Variants in CADM2 observed in about 807,000 individuals in gnomAD.
The protein encoded by CADM2 is immunoglobulin superfamily member 4D.
Under a neutral mutation model 49.8 loss-of-function variants are expected in CADM2, and 12 were observed. That is an observed-to-expected ratio of 0.24 (90% CI 0.15 to 0.39). The LOEUF (loss-of-function observed/expected upper bound fraction) is 0.39, where lower values mean the gene tolerates loss of function less well. Among genes scored for constraint, CADM2 ranks in the 10% least tolerant of loss-of-function variants. The pLI is 1.00. For missense variants in CADM2, 378 were observed against 492.3 expected (o/e 0.77, Z 2.20); for synonymous variants, 214 against 175.4 (o/e 1.22, Z -1.74).
intron 1 of CADM2, among the ~76,000 whole-genome samples, chr3:85,576,152 A>G (rs946515376): frequency 1.3e-5 from 2 of 152,292 alleles, no homozygotes; most frequent in African/African-American, 4.8e-5. Context: ...TAATTTATTT[A>G]TTATAAAAAT....
intron 1 of CADM2, among the ~76,000 whole-genome samples, chr3:85,259,073 G>A (rs1294368887): frequency 6.6e-6 from 1 of 152,092 alleles, no homozygotes; most frequent in Non-Finnish European, 1.5e-5. Flanking sequence ...AGTGCTTGTG[G>A]CAGAGATCAG....
At chr3:85,586,098 T>A (rs2107318642) in intron 1 of CADM2, among the ~76,000 whole-genome samples, 1 of 152,200 alleles carries the variant, frequency 6.6e-6, no homozygotes, top group East Asian at 1.9e-4. Flanking sequence ...TGGTTGATGT[T>A]CATGCTGTTC....
chr3:85,612,555 A>G (rs1168918017), intron 1 of CADM2, among the ~76,000 whole-genome samples: 1 of 151,862 alleles, frequency 6.6e-6, no homozygotes, highest in Non-Finnish European at 1.5e-5. Flanking sequence ...AGTTACTTAA[A>G]TATAGAACTG....
chr3:85,694,005 C>T (rs943333909), intron 1 of CADM2, among the ~76,000 whole-genome samples: 1 of 151,274 alleles, frequency 6.6e-6, no homozygotes, highest in Admixed American at 6.6e-5. Context: ...ATGGAATGAC[C>T]GACTTTTGGT....
At position 85,892,700 on chromosome 3, in the gene CADM2, T is replaced by C. The variant is rs563579799; in HGVS notation, c.529+6373T>C. On this transcript the variant is annotated intron_variant, in intron 5 of 9. Transcript: ENST00000383699. Reference sequence around the variant, plus strand: ...TCTTTTTCTTTATAAATTACTCATCTCAGGTATGTCTTTATTAGCAGCATG... The same window carrying C: ...TCTTTTTCTTTATAAATTACTCATCCCAGGTATGTCTTTATTAGCAGCATG... Among the ~76,000 whole-genome samples, 7 of 152,298 alleles carry C rather than the reference T, an allele frequency of 4.6e-5. No homozygotes were observed. The South Asian group carries it at 1.5e-3, about 32-fold the overall frequency.
chr3:85,473,252 A>G (rs1189372170), intron 1 of CADM2, among the ~76,000 whole-genome samples: 1 of 152,076 alleles, frequency 6.6e-6, no homozygotes, highest in Admixed American at 6.6e-5. Flanking sequence ...GAGATAACGA[A>G]GGAGGTAACA....
intron 1 of CADM2, among the ~76,000 whole-genome samples, chr3:85,151,849 T>C (rs1179007672): frequency 2.0e-5 from 3 of 152,206 alleles, no homozygotes; most frequent in South Asian, 2.1e-4. Flanking sequence ...TAAAGGTAGA[T>C]TGACTTGAAC....
At chr3:84,974,818 T>A (rs1419825500) in intron 1 of CADM2, among the ~76,000 whole-genome samples, 1 of 151,998 alleles carries the variant, frequency 6.6e-6, no homozygotes, top group Non-Finnish European at 1.5e-5. Context: ...TATTACATTC[T>A]GATATCTTCA....
intron 1 of CADM2, among the ~76,000 whole-genome samples, chr3:85,410,067 C>T (rs2035586686): frequency 6.6e-6 from 1 of 152,098 alleles, no homozygotes; most frequent in Non-Finnish European, 1.5e-5. Flanking sequence ...ATCATTAGTT[C>T]TTGATACATA....
In CADM2 at chr3:85,642,707, G is replaced by A. The variant is rs545319522; in HGVS notation, c.62-83815G>A. On this transcript the variant is annotated intron_variant, in intron 1 of 9. Coordinates refer to ENST00000383699, the MANE Select transcript of CADM2 (RefSeq NM_001167675.2). Reference sequence around the variant, plus strand: ...ACTTGGAAATGCTATTAATGAGGCAGTGGTAATAATGAAATATCTCATAGA... The same window carrying A: ...ACTTGGAAATGCTATTAATGAGGCAATGGTAATAATGAAATATCTCATAGA... 6.6e-5 allele frequency among the ~76,000 whole-genome samples: 10 copies of A among 152,280 alleles called. No homozygotes were observed. The East Asian group carries it at 1.5e-3, about 24-fold the overall frequency.
chr3:85,189,979 T>A (rs1056949391), intron 1 of CADM2, among the ~76,000 whole-genome samples: 11 of 142,782 alleles, frequency 7.7e-5, no homozygotes, highest in Middle Eastern at 3.6e-3. Flanking sequence ...TTTTTTTTAG[T>A]GTCTGCATGG....
At chr3:85,500,942 G>A (rs1576666149) in intron 1 of CADM2, among the ~76,000 whole-genome samples, 1 of 152,218 alleles carries the variant, frequency 6.6e-6, no homozygotes, top group East Asian at 1.9e-4. Flanking sequence ...GACCATCAAA[G>A]CCAAAATGGG....
intron 8 of CADM2, chr3:86,014,641 T>G: frequency 6.3e-7 from 1 of 1,580,190 alleles, no homozygotes; most frequent in Non-Finnish European, 8.6e-7. Flanking sequence ...CTCAAAGCTC[T>G]TAAATGCTTA....
chr3:85,825,089 A>G (rs1429842373), intron 3 of CADM2, among the ~76,000 whole-genome samples: 1 of 152,084 alleles, frequency 6.6e-6, no homozygotes, highest in Non-Finnish European at 1.5e-5. Flanking sequence ...GAAAAATAAT[A>G]ATATGCATAC....
intron 1 of CADM2, among the ~76,000 whole-genome samples, chr3:85,442,455 A>C (rs529569874): frequency 8.2e-6 from 1 of 121,948 alleles, no homozygotes; most frequent in African/African-American, 2.7e-5. Context: ...GTACATGTAC[A>C]TTTATTACAA....
chr3:85,421,809 G>A (rs1408597996), intron 1 of CADM2, among the ~76,000 whole-genome samples: 5 of 152,210 alleles, frequency 3.3e-5, no homozygotes, highest in African/African-American at 9.6e-5. Flanking sequence ...GAAAAGGGCA[G>A]CAATTACACA....
intron 1 of CADM2, among the ~76,000 whole-genome samples, chr3:85,175,855 T>C (rs980743286): frequency 6.0e-5 from 9 of 150,760 alleles, no homozygotes; most frequent in Admixed American, 4.6e-4. Flanking sequence ...TGATAAAAAA[T>C]GTGCGTCACA....
intron 1 of CADM2, among the ~76,000 whole-genome samples, chr3:85,649,159 T>A (rs1399361892): frequency 6.6e-6 from 1 of 152,166 alleles, no homozygotes; most frequent in Non-Finnish European, 1.5e-5. Flanking sequence ...AAGAGTTATC[T>A]GAATTTAGAA....
At chr3:85,844,640 AT>A (rs2074796772) in intron 3 of CADM2, among the ~76,000 whole-genome samples, 1 of 152,196 alleles carries the variant, frequency 6.6e-6, no homozygotes, top group East Asian at 1.9e-4. Flanking sequence ...TATAGATAAA[AT>A]AACCATATTT....
Sources: gnomAD v4.1 joint callset for allele counts (sites outside exome capture counted in the v4.1 genomes callset) on GRCh38, gnomAD v4.1.1 for gene constraint, MANE v1.5 for transcripts, NCBI Gene and HGNC (gene_info 2026-07-23, HGNC 2026-07-21) for gene names.